The following CLCN1 variants were observed in gnomAD, a reference collection of about 807,000 sequenced individuals.
CLCN1 encodes chloride channel protein 1.
CLCN1 carries 100 observed loss-of-function variants against 114.5 expected under a neutral mutation model. The ratio of observed to expected loss-of-function variants is 0.87; its 90% CI spans 0.74 to 1.03. The LOEUF (loss-of-function observed/expected upper bound fraction) is 1.03, where lower values mean the gene tolerates loss of function less well. Ranked by LOEUF, CLCN1 falls within the 50% of genes least tolerant of loss-of-function variation. CLCN1 has a pLI of 0.00. For synonymous variants in CLCN1, 485 were observed against 487.1 expected (o/e 1.00, Z 0.06); for missense variants, 1,188 against 1,250.0 (o/e 0.95, Z 0.75).
In CLCN1 at chr7:143,330,788, C is replaced by T. The variant is rs80356690; in HGVS notation, c.870C>T (p.Ile290=). ...GTPLGGVLFS[I]EVTSTYFAVR... is the part of the protein sequence containing the mutation. ...CCCCTGCAGGAGTGCTATTTAGCAT[C>T]GAGGTCACCTCCACCTACTTTGCTG... The change falls in exon 8 of 23, where the codon ATC becomes ATT. Residue 290 remains isoleucine (I), a synonymous_variant. Transcript: ENST00000343257. 7.4e-6 allele frequency: 12 copies of T among 1,614,040 alleles called. 1 individual carries two copies. In the Middle Eastern group the frequency reaches 4.9e-4, roughly 66 times the overall value.
intron 12 of CLCN1, among the ~76,000 whole-genome samples, chr7:143,336,330 GA>G (rs5888093): frequency 0.23 from 31,496 of 134,884 alleles, 3,448 homozygotes; most frequent in Middle Eastern, 0.37. Flanking sequence ...TAGATCTGAA[GA>G]AAAAAAAAAA....
chr7:143,351,791 G>A lies in CLCN1; in HGVS notation c.2793G>A (p.Val931=). 1 of 1,614,122 alleles carries A rather than the reference G, an allele frequency of 6.2e-7. No individual in the cohort carries two copies. The highest frequency in any genetic ancestry group is 8.5e-7 in the Non-Finnish European group (1 of 1,180,010). Residue 931 remains valine, a synonymous_variant, in exon 23 of 23, where the codon GTG becomes GTA. Coordinates refer to ENST00000343257, the MANE Select transcript of CLCN1 (RefSeq NM_000083.3). The part of the protein sequence containing the change: ...DVIAASPETP[V]PSPSPEPPLS... ...TTGCTGCCTCCCCAGAGACCCCTGT[G>A]CCATCTCCTTCCCCAGAGCCCCCTC...
rs1802704515 is a variant in CLCN1, at chr7:143,330,894, G to A, written c.976G>A (p.Ala326Thr). The change falls in exon 8 of 23, where the codon GCT (alanine) becomes ACT (threonine). Residue 326 changes from alanine to threonine, a missense_variant. Ala to Thr is a moderately conservative substitution (Grantham distance 58). Coordinates refer to ENST00000343257, the MANE Select transcript of CLCN1 (RefSeq NM_000083.3). ...AGTGCTGGCAGTGTGGAACAAGGAT[G>A]CTGGTAACCAAGGAGGCCTTGGGTG... ...FRVLAVWNKD[A>T]VTITALFRTN... 2 of 1,614,100 alleles carry A rather than the reference G, an allele frequency of 1.2e-6. No individual in the cohort carries two copies. Among genetic ancestry groups the A allele is most frequent in the Admixed American group, 1.7e-5 (1 of 60,002 alleles).
Position 143,350,799 on chromosome 7 carries a change from CAG to C in CLCN1, c.2595+148_2595+149del, listed in dbSNP as rs1803375920. 1 of 650,676 alleles carries C rather than the reference CAG, an allele frequency of 1.5e-6. No homozygotes were observed. The highest frequency in any genetic ancestry group is 1.9e-5 in the African/African-American group (1 of 53,626). 40.3% of individuals were successfully genotyped at this position (650,676 alleles called of 1,614,324 possible). On this transcript the variant is annotated intron_variant, in intron 22 of 22. Transcript: ENST00000343257. This position sits in a 1 kb window ranked among gnomAD's most constrained non-coding sequence, Gnocchi z 5.1. The stretch of plus-strand genomic sequence containing the variant: ...TTCTTTCTTTTTTTTTTTTTTGAGA[CAG>C]AGTTTCACTCTTGTCGCCCAGGCTG...
chr7:143,323,795 G>T (rs1327656963), intron 6 of CLCN1: 2 of 476,726 alleles, frequency 4.2e-6, no homozygotes, highest in Non-Finnish European at 4.3e-6. Context: ...CCACCCCCTT[G>T]TCCCGCGTGC....
intron 22 of CLCN1, among the ~76,000 whole-genome samples, chr7:143,351,048 G>A (rs1378970847): frequency 6.6e-6 from 1 of 152,150 alleles, no homozygotes; most frequent in African/African-American, 2.4e-5. Context: ...AAAATGCTGC[G>A]ATTCTAGGCA....
chr7:143,345,683 C>T lies in CLCN1; in HGVS notation c.2093C>T (p.Pro698Leu), dbSNP rs1803219317. 2 of 1,556,834 alleles carry T rather than the reference C, an allele frequency of 1.3e-6. No homozygotes were observed. Among genetic ancestry groups the T allele is most frequent in the Non-Finnish European group, 1.7e-6 (2 of 1,151,686 alleles). Residue 698 changes from proline (P) to leucine (L), a missense_variant, in exon 17 of 23, where the codon CCC (proline) becomes CTC (leucine). By Grantham distance (98) the Pro-to-Leu change is moderately conservative. Coordinates refer to ENST00000343257, the MANE Select transcript of CLCN1 (RefSeq NM_000083.3). Reference protein sequence around the residue: ...GKARLAGEGLPGAPPGRPESF... With the variant: ...GKARLAGEGLLGAPPGRPESF... ...GCGCGGCTGGCTGGGGAGGGGCTCCCCGGCGCGCCTCCAGGCCGGCCCGAG... is the reference window on the plus strand; with the variant it reads ...GCGCGGCTGGCTGGGGAGGGGCTCCTCGGCGCGCCTCCAGGCCGGCCCGAG...
Position 143,350,567 on chromosome 7 carries a change from G to A in CLCN1, c.2509-1G>A, listed in dbSNP as rs749952135. 2.5e-6 allele frequency: 4 copies of A among 1,614,046 alleles called. No individual in the cohort carries two copies. The highest frequency in any genetic ancestry group is 3.4e-6 in the Non-Finnish European group (4 of 1,179,934). On this transcript the variant is annotated splice_acceptor_variant, in intron 21 of 22. Transcript: ENST00000343257. LOFTEE classifies it high-confidence loss of function. This position sits in a 1 kb window ranked among gnomAD's most constrained non-coding sequence, Gnocchi z 5.1. ...CACTGACCTGTGCTCTTCATCCTCA[G>A]ACTCATACCCTGTTTTCACTCCTTG... is the stretch of plus-strand genomic sequence containing the variant.
rs781496077 is a variant in CLCN1, at chr7:143,345,776, G to T, written c.2172+14G>T. On this transcript the variant is annotated intron_variant, in intron 17 of 22. Transcript: ENST00000343257. ...GGCAAGAGCGAGGTGACCGCGCCGG[G>T]AAGGGCTAGGGAGTGGGATAGATCA... is the stretch of plus-strand genomic sequence containing the variant. 6.2e-7 allele frequency: 1 copy of T among 1,605,260 alleles called. No homozygotes were observed. The highest frequency in any genetic ancestry group is 2.2e-5 in the East Asian group (1 of 44,614).
Position 143,351,897 on chromosome 7 carries a change from G to A in CLCN1, c.2899G>A (p.Ala967Thr). 3 of 1,614,064 alleles carry A rather than the reference G, an allele frequency of 1.9e-6. No homozygotes were observed. The highest frequency in any genetic ancestry group is 2.5e-6 in the Non-Finnish European group (3 of 1,180,016). Residue 967 changes from alanine to threonine, a missense_variant, in exon 23 of 23, where the codon GCC becomes ACC. Physicochemically the swap from Ala to Thr is moderately conservative, Grantham distance 58 (BLOSUM62 0). Coordinates refer to ENST00000343257, the MANE Select transcript of CLCN1 (RefSeq NM_000083.3). ...VESPGLEEEL[A>T]DILQGPSLRS... ...GAGTCCAGGGCTGGAAGAGGAGCTG[G>A]CCGACATCTTGCAGGGCCCCAGCCT...
chr7:143,321,059 T>C lies in CLCN1; in HGVS notation c.433+264T>C, dbSNP rs1016710152. ...ACTTGCCCCAGTTCCCCAGGGACTT[T>C]CCCAGTTTCAGCACTGAACATCCCG... is the stretch of plus-strand genomic sequence containing the variant. On this transcript the variant is annotated intron_variant, in intron 3 of 22. Transcript: ENST00000343257. The surrounding 1 kb of genome is among the most constrained non-coding windows in gnomAD (Gnocchi z 4.2). 1.8e-4 allele frequency among the ~76,000 whole-genome samples: 27 copies of C among 152,132 alleles called. No individual in the cohort carries two copies. Among genetic ancestry groups the C allele is most frequent in the Non-Finnish European group, 3.4e-4 (23 of 68,018 alleles).
chr7:143,343,579 T>C (rs548005557), intron 16 of CLCN1, among the ~76,000 whole-genome samples: 1 of 152,368 alleles, frequency 6.6e-6, no homozygotes, highest in South Asian at 2.1e-4. Flanking sequence ...AGGGAATCCA[T>C]GAATAATGAC....
At chr7:143,320,892 G>A in intron 3 of CLCN1, 97 bp downstream of exon 3, 1 of 1,436,828 alleles carries the variant, frequency 7.0e-7, no homozygotes, top group Non-Finnish European at 9.8e-7. Context: ...AGCAGGGTGT[G>A]TTATGGGAAG....
Position 143,343,866 on chromosome 7 carries a change from G to T in CLCN1, c.1930+1361G>T, listed in dbSNP as rs146228879. Among the ~76,000 whole-genome samples the T allele has an allele frequency of 9.4e-3, 1,402 of 148,628 alleles. 6 individuals carry two copies. Among genetic ancestry groups the T allele is most frequent in the Middle Eastern group, 0.028 (8 of 290 alleles). On this transcript the variant is annotated intron_variant, in intron 16 of 22. Coordinates refer to ENST00000343257, the MANE Select transcript of CLCN1 (RefSeq NM_000083.3). ...TTTTCTCTTCTTTCTTTTCGACAGA[G>T]CCTCACTCTGTTGCCCAGGCAGGAG...
chr7:143,338,092 C>A (rs566840616), intron 12 of CLCN1, among the ~76,000 whole-genome samples: 17 of 152,250 alleles, frequency 1.1e-4, no homozygotes, highest in African/African-American at 4.1e-4. Flanking sequence ...GATCTGCCCA[C>A]CTCTGCCTTC....
intron 3 of CLCN1, 51 bp downstream of exon 3, chr7:143,320,846 A>G (rs1457672993): frequency 1.2e-6 from 2 of 1,608,606 alleles, no homozygotes; most frequent in Admixed American, 3.3e-5. Context: ...GTTTCTACCT[A>G]GGGTAAGCAG....
chr7:143,336,532 C>T (rs1317250297), intron 12 of CLCN1, among the ~76,000 whole-genome samples: 1 of 144,556 alleles, frequency 6.9e-6, no homozygotes, highest in African/African-American at 2.6e-5. Context: ...ATTGCTTGAA[C>T]GCGGGAGCCA....
chr7:143,328,317 G>T (rs1802628841), intron 7 of CLCN1, among the ~76,000 whole-genome samples: 1 of 152,300 alleles, frequency 6.6e-6, no homozygotes, highest in East Asian at 1.9e-4. Context: ...CAAAGGCTGG[G>T]GTTGGGCAGA....
In CLCN1 at chr7:143,341,951, C is replaced by T. The variant is rs200676193; in HGVS notation, c.1605C>T (p.Ala535=). 155 of 1,613,652 alleles carry T rather than the reference C, an allele frequency of 9.6e-5. No homozygotes were observed. Among genetic ancestry groups the T allele is most frequent in the Non-Finnish European group, 1.2e-4 (142 of 1,179,986 alleles). The change falls in exon 15 of 23, where the codon GCC becomes GCT. Residue 535 remains alanine, a synonymous_variant. Coordinates refer to ENST00000343257, the MANE Select transcript of CLCN1 (RefSeq NM_000083.3). ...TAGGAGCAGCAGCGCTGACTGGTGC[C>T]GTTTCCCACACAGTCTCCACAGCTG... ...AVIGAAALTG[A]VSHTVSTAVI...
Sources: allele counts gnomAD v4.1 joint callset (sites outside exome capture counted in the v4.1 genomes callset), GRCh38; gene constraint gnomAD v4.1.1; non-coding constraint Gnocchi (gnomAD v3.1); transcripts MANE v1.5; gene names NCBI Gene and HGNC (gene_info 2026-07-23, HGNC 2026-07-21).